Variants in CSMD1 observed in about 807,000 individuals in gnomAD.
CSMD1 encodes CUB and Sushi multiple domains 1.
A neutral mutation model predicts 417.5 loss-of-function variants in CSMD1; 213 were observed. That is an observed-to-expected ratio of 0.51 (90% CI 0.46 to 0.57). The LOEUF (loss-of-function observed/expected upper bound fraction) is 0.57, where lower values mean the gene tolerates loss of function less well. Ranked by LOEUF, CSMD1 falls within the 20% of genes least tolerant of loss-of-function variation. CSMD1 has a pLI of 0.00. For missense variants in CSMD1, 6,923 were observed against 4,529.7 expected, an observed-to-expected ratio of 1.53 and a Z score of -15.17; for synonymous variants, 2,862 against 1,736.8, an observed-to-expected ratio of 1.65 and a Z score of -16.11.
chr8:3,670,576 G>C (rs528973969), intron 7 of CSMD1, among the ~76,000 whole-genome samples: 9 of 110,004 alleles, frequency 8.2e-5, no homozygotes, highest in African/African-American at 2.6e-4. Flanking sequence ...ATATATATAT[G>C]GGATATATAT....
At chr8:3,771,689 C>T (rs1798582882) in intron 5 of CSMD1, among the ~76,000 whole-genome samples, 2 of 152,064 alleles carry the variant, frequency 1.3e-5, no homozygotes, top group South Asian at 2.1e-4. Flanking sequence ...CGGAGAGGCC[C>T]CTAAAGACCT....
intron 21 of CSMD1, among the ~76,000 whole-genome samples, chr8:3,354,935 A>ATATGTCTATCTATAGATCTATC (rs1808677130): frequency 6.1e-5 from 4 of 65,928 alleles, no homozygotes; most frequent in African/African-American, 7.3e-5. Flanking sequence ...ATAGATATAG[A>ATATGTCTATCTATAGATCTATC]TATATATAGA....
intron 12 of CSMD1, among the ~76,000 whole-genome samples, chr8:3,428,777 A>G (rs1384005443): frequency 1.3e-5 from 2 of 152,212 alleles, no homozygotes; most frequent in Non-Finnish European, 2.9e-5. Flanking sequence ...AGAATCATTC[A>G]CAATAGCCAA....
chr8:4,135,302 A>G (rs1803352301), intron 3 of CSMD1, among the ~76,000 whole-genome samples: 1 of 144,014 alleles, frequency 6.9e-6, no homozygotes, highest in South Asian at 2.3e-4. Context: ...AGACAGAAGA[A>G]AGGAAGAAAG....
intron 5 of CSMD1, among the ~76,000 whole-genome samples, chr8:3,908,499 AAAAACAAAAC>A (rs899764477): frequency 6.6e-6 from 1 of 152,172 alleles, no homozygotes; most frequent in Non-Finnish European, 1.5e-5. Context: ...CCCCTGGTAA[AAAAACAAAAC>A]AAAACAAAAC....
chr8:4,262,365 T>C lies in CSMD1; in HGVS notation c.415+157588A>G, dbSNP rs145632641. On this transcript the variant is annotated intron_variant, in intron 3 of 69. Coordinates refer to ENST00000635120, the MANE Select transcript of CSMD1 (RefSeq NM_033225.6). ...TGCAATCTGGGATTCCCAGGACACA[T>C]AAGCAGGCTGAAAGGAATCCCAAAC... Among the ~76,000 whole-genome samples, 848 of 152,264 alleles carry C rather than the reference T, an allele frequency of 5.6e-3. 9 individuals are homozygous for C. Among genetic ancestry groups the C allele is most frequent in the African/African-American group, 0.019 (809 of 41,548 alleles).
chr8:3,782,107 G>A (rs981111709), intron 5 of CSMD1, among the ~76,000 whole-genome samples: 7 of 152,152 alleles, frequency 4.6e-5, no homozygotes, highest in African/African-American at 1.7e-4. Context: ...TGAGAGCCAT[G>A]AAGAATGTAG....
intron 3 of CSMD1, among the ~76,000 whole-genome samples, chr8:4,412,899 A>G (rs1033748368): frequency 2.6e-5 from 4 of 152,190 alleles, no homozygotes; most frequent in Non-Finnish European, 5.9e-5. Context: ...GACATAAGAT[A>G]ACTGACAACA....
chr8:4,652,451 C>A (rs1803954517), intron 1 of CSMD1, among the ~76,000 whole-genome samples: 1 of 151,974 alleles, frequency 6.6e-6, no homozygotes, highest in East Asian at 1.9e-4. Context: ...CAAGCGGGGT[C>A]AGTGCATGCA....
At chr8:4,852,428 G>A (rs1025619624) in intron 1 of CSMD1, among the ~76,000 whole-genome samples, 1 of 152,066 alleles carries the variant, frequency 6.6e-6, no homozygotes, top group Admixed American at 6.6e-5. Context: ...TGCACTGTCT[G>A]CCCCTTTCAC....
At chr8:3,319,357 A>G (rs1805994246) in intron 23 of CSMD1, among the ~76,000 whole-genome samples, 1 of 152,234 alleles carries the variant, frequency 6.6e-6, no homozygotes, top group Non-Finnish European at 1.5e-5. Flanking sequence ...TATTTGCAAT[A>G]CACAAAGAAT....
chr8:4,888,740 GAT>G (rs1803915282), intron 1 of CSMD1, among the ~76,000 whole-genome samples: 1 of 152,054 alleles, frequency 6.6e-6, no homozygotes, highest in African/African-American at 2.4e-5. Flanking sequence ...CCAAGCCTGG[GAT>G]ATGTGTTAGG....
intron 3 of CSMD1, among the ~76,000 whole-genome samples, chr8:4,210,806 C>CA (rs1243701948): frequency 1.3e-5 from 2 of 152,090 alleles, no homozygotes; most frequent in Non-Finnish European, 2.9e-5. Flanking sequence ...TACAAGGTCT[C>CA]AAGACTATCA....
chr8:3,420,133 A>C (rs1444149639), intron 12 of CSMD1, among the ~76,000 whole-genome samples: 1 of 152,180 alleles, frequency 6.6e-6, no homozygotes, highest in Non-Finnish European at 1.5e-5. Flanking sequence ...GAAGTCATTC[A>C]ACTTAAGAAA....
intron 7 of CSMD1, among the ~76,000 whole-genome samples, chr8:3,696,682 A>G (rs1227623751): frequency 6.6e-6 from 1 of 152,218 alleles, no homozygotes; most frequent in Non-Finnish European, 1.5e-5. Flanking sequence ...CAGATAAGAC[A>G]ACAGTCAGTA....
At chr8:4,077,137 A>G (rs867878158) in intron 3 of CSMD1, among the ~76,000 whole-genome samples, 21 of 151,824 alleles carry the variant, frequency 1.4e-4, no homozygotes, top group Admixed American at 3.3e-4. Flanking sequence ...TGAAGTCAAG[A>G]AAGTTAAATG....
At chr8:4,286,207 A>C (rs1355050290) in intron 3 of CSMD1, among the ~76,000 whole-genome samples, 1 of 151,724 alleles carries the variant, frequency 6.6e-6, no homozygotes, top group African/African-American at 2.4e-5. Flanking sequence ...CCGACTGCAA[A>C]CTCTGTAATT....
At position 3,181,093 on chromosome 8, in the gene CSMD1, G is replaced by A; in HGVS notation, c.5725+17C>T. On this transcript the variant is annotated intron_variant, in intron 37 of 69. Coordinates refer to ENST00000635120, the MANE Select transcript of CSMD1 (RefSeq NM_033225.6). Reference sequence around the variant, plus strand: ...AGTATAACAGTGGAAGCTGTATACAGAAAGAGTTGACCTTACTTTTGTATT... The same window carrying A: ...AGTATAACAGTGGAAGCTGTATACAAAAAGAGTTGACCTTACTTTTGTATT... 6.5e-7 allele frequency: 1 copy of A among 1,544,746 alleles called. No individual in the cohort carries two copies. Among genetic ancestry groups the A allele is most frequent in the Non-Finnish European group, 8.9e-7 (1 of 1,117,650 alleles).
At chr8:4,555,509 G>C (rs1004369937) in intron 2 of CSMD1, among the ~76,000 whole-genome samples, 7 of 152,078 alleles carry the variant, frequency 4.6e-5, no homozygotes, top group Admixed American at 6.6e-5. Context: ...CTGGCCACTT[G>C]GTTTTCTACT....
Sources: gnomAD v4.1 joint callset for allele counts (sites outside exome capture counted in the v4.1 genomes callset) on GRCh38, gnomAD v4.1.1 for gene constraint, MANE v1.5 for transcripts, NCBI Gene and HGNC (gene_info 2026-07-23, HGNC 2026-07-21) for gene names.